The following GAB2 variants were observed in gnomAD, a reference collection of about 807,000 sequenced individuals.
GAB2 encodes the protein GRB2 associated binding protein 2.
Under a neutral mutation model 65.5 loss-of-function variants are expected in GAB2, and 26 were observed. The ratio of observed to expected loss-of-function variants is 0.40; its 90% CI spans 0.29 to 0.55. The LOEUF is 0.55. GAB2 is among the 20% of genes least tolerant of loss of function. The pLI is 0.53. For synonymous variants in GAB2, 321 were observed against 329.6 expected (o/e 0.97, Z 0.28); for missense variants, 884 against 875.8 (o/e 1.01, Z -0.12).
intron 1 of GAB2, among the ~76,000 whole-genome samples, chr11:78,390,691 T>C (rs190485512): frequency 5.3e-5 from 8 of 152,286 alleles, no homozygotes; most frequent in African/African-American, 1.7e-4. Flanking sequence ...CCTCCAATAA[T>C]GGGTTCATGC....
chr11:78,331,896 G>A (rs144436567), intron 1 of GAB2, among the ~76,000 whole-genome samples: 15 of 152,132 alleles, frequency 9.9e-5, no homozygotes, highest in South Asian at 2.1e-4. Context: ...GACACCATCC[G>A]GACCTCGTAA....
intron 9 of GAB2, 148 bp from the exon 10 acceptor site, chr11:78,219,563 TTC>T (rs1368219695): frequency 2.8e-6 from 2 of 706,972 alleles, no homozygotes; most frequent in Non-Finnish European, 4.9e-6. Context: ...GGAGCCTGGC[TTC>T]TCTTTCTGAA....
chr11:78,365,762 G>GAT (rs1856488301), intron 1 of GAB2, among the ~76,000 whole-genome samples: 5 of 152,178 alleles, frequency 3.3e-5, no homozygotes, highest in Admixed American at 3.3e-4. Flanking sequence ...TGAAGCCTTG[G>GAT]ATCGCAAAAA....
At position 78,250,222 on chromosome 11, in the gene GAB2, G is replaced by A. The variant is rs1865411925; in HGVS notation, c.555C>T (p.Ser185=). The change falls in exon 3 of 10, where the codon TCC becomes TCT. Residue 185 remains serine (S), a synonymous_variant. Coordinates refer to ENST00000361507, the MANE Select transcript of GAB2 (RefSeq NM_080491.3). Reference sequence around the variant, plus strand: ...AGAGATACTCCTGAGGTGCGCTGGTGGACAAGGTGGGCTGCATGTGGTTTG... The same window carrying A: ...AGAGATACTCCTGAGGTGCGCTGGTAGACAAGGTGGGCTGCATGTGGTTTG... ...PVSNHMQPTL[S]TSAPQEYLYL... is the part of the protein sequence containing the mutation. 6.2e-7 allele frequency: 1 copy of A among 1,613,394 alleles called. No individual in the cohort carries two copies. The highest frequency in any genetic ancestry group is 1.3e-5 in the African/African-American group (1 of 74,756).
At chr11:78,294,532 A>G (rs1162924475) in intron 1 of GAB2, among the ~76,000 whole-genome samples, 1 of 152,196 alleles carries the variant, frequency 6.6e-6, no homozygotes, top group Admixed American at 6.5e-5. Flanking sequence ...AGTCCCACCA[A>G]CAGTGTAAAA....
chr11:78,334,704 C>G (rs1855970500), intron 1 of GAB2, among the ~76,000 whole-genome samples: 1 of 152,202 alleles, frequency 6.6e-6, no homozygotes, highest in African/African-American at 2.4e-5. Flanking sequence ...AACAGTGCTG[C>G]AACAAACATG....
At chr11:78,319,154 A>G (rs1158418068) in intron 1 of GAB2, among the ~76,000 whole-genome samples, 2 of 152,182 alleles carry the variant, frequency 1.3e-5, no homozygotes, top group Admixed American at 1.3e-4. Flanking sequence ...CTGCATAAAT[A>G]ATCAGATGAA....
At chr11:78,227,836 CT>C (rs1387082628) in intron 3 of GAB2, among the ~76,000 whole-genome samples, 1 of 151,998 alleles carries the variant, frequency 6.6e-6, no homozygotes, top group Non-Finnish European at 1.5e-5. Context: ...AAACAACAAA[CT>C]ATTCAAACGT....
intron 2 of GAB2, among the ~76,000 whole-genome samples, chr11:78,261,799 G>A (rs1865742218): frequency 1.3e-5 from 2 of 152,154 alleles, no homozygotes; most frequent in Admixed American, 6.5e-5. Flanking sequence ...ATACTCGGAG[G>A]AGCACTTCAG....
At chr11:78,325,889 C>G (rs1326842560) in intron 1 of GAB2, among the ~76,000 whole-genome samples, 1 of 152,162 alleles carries the variant, frequency 6.6e-6, no homozygotes, top group Non-Finnish European at 1.5e-5. Flanking sequence ...AAGCTACCCC[C>G]AAACCATTTT....
intron 1 of GAB2, among the ~76,000 whole-genome samples, chr11:78,400,351 A>G (rs1856953163): frequency 6.6e-6 from 1 of 152,154 alleles, no homozygotes; most frequent in South Asian, 2.1e-4. Flanking sequence ...ATAACTCCAT[A>G]TAAGGGCATC....
intron 1 of GAB2, among the ~76,000 whole-genome samples, chr11:78,349,324 T>C (rs923483369): frequency 6.6e-6 from 1 of 152,158 alleles, no homozygotes; most frequent in Non-Finnish European, 1.5e-5. Context: ...ATGAGTGGTA[T>C]TGCAAAAAAC....
intron 1 of GAB2, among the ~76,000 whole-genome samples, chr11:78,316,221 G>A (rs1855600447): frequency 6.6e-6 from 1 of 152,104 alleles, no homozygotes; most frequent in African/African-American, 2.4e-5. Context: ...GACCCAAACT[G>A]AGCCACTACC....
chr11:78,283,217 C>T (rs747130322), intron 1 of GAB2, among the ~76,000 whole-genome samples: 9 of 152,186 alleles, frequency 5.9e-5, no homozygotes, highest in South Asian at 2.1e-4. Flanking sequence ...AGAAAATTTA[C>T]ACATGTTCCA....
chr11:78,290,194 A>T (rs1866619720), intron 1 of GAB2, among the ~76,000 whole-genome samples: 1 of 152,242 alleles, frequency 6.6e-6, no homozygotes, highest in Non-Finnish European at 1.5e-5. Context: ...AAATTAGGGT[A>T]GTAATAACGG....
At chr11:78,282,654 G>C (rs950626248) in intron 1 of GAB2, among the ~76,000 whole-genome samples, 1 of 151,888 alleles carries the variant, frequency 6.6e-6, no homozygotes, top group African/African-American at 2.4e-5. Flanking sequence ...TTTGAATCCT[G>C]CCTCATCTAT....
chr11:78,223,526 G>A lies in GAB2; in HGVS notation c.1453C>T (p.His485Tyr), dbSNP rs376100085. Residue 485 changes from histidine to tyrosine, a missense_variant, in exon 6 of 10, where the codon CAC (histidine) becomes TAC (tyrosine). Physicochemically the swap from His to Tyr is moderately conservative, Grantham distance 83. Coordinates refer to ENST00000361507, the MANE Select transcript of GAB2 (RefSeq NM_080491.3). ...VYIPMSPGAH[H>Y]FDSLGYPSTT... ...GATGGGTAGCCAAGTGAGTCAAAGT[G>A]ATGGGCCCCTGGGCTCATTGGGATG... The A allele has an allele frequency of 7.4e-6, 12 of 1,613,126 alleles. No individual in the cohort carries two copies. The African/African-American group carries it at 1.3e-4, about 18-fold the overall frequency.
At chr11:78,362,081 TAAAA>T (rs78438663) in intron 1 of GAB2, among the ~76,000 whole-genome samples, 1 of 140,274 alleles carries the variant, frequency 7.1e-6, no homozygotes, top group Non-Finnish European at 1.6e-5. Flanking sequence ...TATTATGAAG[TAAAA>T]AAAAAAAAAG....
At chr11:78,375,339 T>C (rs1856619929) in intron 1 of GAB2, among the ~76,000 whole-genome samples, 1 of 152,250 alleles carries the variant, frequency 6.6e-6, no homozygotes, top group Admixed American at 6.5e-5. Flanking sequence ...GTTTGTATTT[T>C]TTTTAGTCTG....
Sources: gnomAD v4.1 joint callset for allele counts (sites outside exome capture counted in the v4.1 genomes callset) on GRCh38, gnomAD v4.1.1 for gene constraint, MANE v1.5 for transcripts, NCBI Gene and HGNC (gene_info 2026-07-23, HGNC 2026-07-21) for gene names.